LYRM4: variants seen among roughly 807,000 people sequenced by gnomAD.
The protein encoded by LYRM4 is LYR motif-containing protein 4.
A neutral mutation model predicts 11.7 loss-of-function variants in LYRM4; 9 were observed. The observed-to-expected ratio is 0.77, with a 90% confidence interval of 0.46 to 1.34. The LOEUF is 1.34. LYRM4 is among the 40% of genes most tolerant of loss of function. The pLI is 0.00. For synonymous variants in LYRM4, 42 were observed against 40.4 expected (o/e 1.04, Z -0.15); for missense variants, 133 against 112.5 (o/e 1.18, Z -0.82).
intron 2 of LYRM4, among the ~76,000 whole-genome samples, chr6:5,203,756 G>A (rs1761528735): frequency 6.6e-6 from 1 of 152,220 alleles, no homozygotes; most frequent in South Asian, 2.1e-4. Flanking sequence ...AGAGCCTGCA[G>A]CTGGGCAGGG....
chr6:5,246,588 C>T (rs1282558405), intron 1 of LYRM4, among the ~76,000 whole-genome samples: 2 of 152,154 alleles, frequency 1.3e-5, no homozygotes, highest in Admixed American at 6.5e-5. Context: ...GAGTGGTATA[C>T]GGACACAGCC....
intron 1 of LYRM4, among the ~76,000 whole-genome samples, chr6:5,230,237 C>CA (rs1209508937): frequency 3.9e-5 from 6 of 152,282 alleles, no homozygotes; most frequent in East Asian, 1.9e-4. Context: ...CTCCTAAACT[C>CA]AAAGATGACC....
Position 5,260,683 on chromosome 6 carries a change from C to G in LYRM4, c.51G>C (p.Leu17=), listed in dbSNP as rs1396973398. 2 of 1,547,012 alleles carry G rather than the reference C, an allele frequency of 1.3e-6. No homozygotes were observed. The highest frequency in any genetic ancestry group is 1.7e-6 in the Non-Finnish European group (2 of 1,146,258). Reference sequence around the variant, plus strand: ...AGGCGCTGAAACGCTTGCTCTCTCTCAGCATCGCCCGGTACAGAGATAACA... The same window carrying G: ...AGGCGCTGAAACGCTTGCTCTCTCTGAGCATCGCCCGGTACAGAGATAACA... ...AQVLSLYRAM[L]RESKRFSAYN... is the part of the protein sequence containing the mutation. The change falls in exon 1 of 3, where the codon CTG becomes CTC. Residue 17 remains leucine, a synonymous_variant. Coordinates refer to ENST00000330636, the MANE Select transcript of LYRM4 (RefSeq NM_020408.6).
chr6:5,045,403 C>A, the LYRM4 span, among the ~76,000 whole-genome samples: 1 of 152,112 alleles, frequency 6.6e-6, no homozygotes, highest in Non-Finnish European at 1.5e-5. Context: ...TATAGGGTAC[C>A]AAAGAGAATC....
the LYRM4 span, among the ~76,000 whole-genome samples, chr6:5,046,138 A>G: frequency 6.6e-6 from 1 of 152,022 alleles, no homozygotes; most frequent in African/African-American, 2.4e-5. Context: ...TTAGTGGCTT[A>G]AAATAATATT....
the LYRM4 span, among the ~76,000 whole-genome samples, chr6:5,052,822 C>T: frequency 6.6e-6 from 1 of 152,170 alleles, no homozygotes; most frequent in African/African-American, 2.4e-5. Context: ...GCCCCTTTTT[C>T]TACCTGCACT....
the LYRM4 span, among the ~76,000 whole-genome samples, chr6:5,084,177 G>A: frequency 1.3e-5 from 2 of 152,256 alleles, no homozygotes; most frequent in African/African-American, 4.8e-5. Flanking sequence ...AGTGATGTCC[G>A]TGCATGCTGA....
chr6:5,064,576 T>C, the LYRM4 span, among the ~76,000 whole-genome samples: 15 of 152,038 alleles, frequency 9.9e-5, no homozygotes, highest in Non-Finnish European at 2.2e-4. Flanking sequence ...TGCTTAAAAT[T>C]TTTTTTTATA....
the LYRM4 span, among the ~76,000 whole-genome samples, chr6:5,078,372 G>C: frequency 1.2e-4 from 18 of 151,986 alleles, no homozygotes; most frequent in Admixed American, 9.8e-4. Flanking sequence ...TTGCTACCTG[G>C]GTAACAAGAG....
At chr6:5,069,198 A>AT in the LYRM4 span, among the ~76,000 whole-genome samples, 1 of 152,114 alleles carries the variant, frequency 6.6e-6, no homozygotes, top group Non-Finnish European at 1.5e-5. Flanking sequence ...CATCTCAAAC[A>AT]TTTTGTTCTA....
the LYRM4 span, among the ~76,000 whole-genome samples, chr6:5,094,726 T>C: frequency 2.0e-5 from 3 of 152,204 alleles, no homozygotes; most frequent in Non-Finnish European, 4.4e-5. Flanking sequence ...TTTTTGTTGC[T>C]GCATGACTGT....
the LYRM4 span, among the ~76,000 whole-genome samples, chr6:5,042,351 T>C: frequency 2.0e-5 from 3 of 152,140 alleles, no homozygotes; most frequent in Non-Finnish European, 4.4e-5. Flanking sequence ...CCATATGCAA[T>C]ATTCAGTATT....
At chr6:5,104,285 T>TC (rs1762595577), downstream of LYRM4, 1 of 152,198 alleles carries the variant, frequency 6.6e-6, no homozygotes, top group East Asian at 1.9e-4. Flanking sequence ...CAGTTATTTT[T>TC]TTTTTTTTAG....
chr6:5,237,714 T>C (rs998279527), intron 1 of LYRM4, among the ~76,000 whole-genome samples: 4 of 152,166 alleles, frequency 2.6e-5, no homozygotes, highest in Non-Finnish European at 5.9e-5. Flanking sequence ...CTAGATATGC[T>C]AAGCTGTGTC....
At chr6:5,195,490 T>C (rs545603308) in intron 2 of LYRM4, among the ~76,000 whole-genome samples, 2 of 151,980 alleles carry the variant, frequency 1.3e-5, no homozygotes, top group South Asian at 2.1e-4. Flanking sequence ...GACAATTAGC[T>C]TGCCATGGTG....
chr6:5,103,288 C>T (rs1762558381), downstream of LYRM4: 1 of 152,204 alleles, frequency 6.6e-6, no homozygotes, highest in Admixed American at 6.5e-5. Flanking sequence ...TGGCACGGCT[C>T]CTGTTGGCTG....
intron 1 of LYRM4, among the ~76,000 whole-genome samples, chr6:5,238,134 T>C (rs1390575833): frequency 2.6e-5 from 4 of 152,168 alleles, no homozygotes; most frequent in Non-Finnish European, 4.4e-5. Flanking sequence ...TTCCTGATTT[T>C]TCTTACTTAA....
chr6:5,190,387 A>G (rs1017044791), intron 2 of LYRM4, among the ~76,000 whole-genome samples: 1 of 152,212 alleles, frequency 6.6e-6, no homozygotes, highest in African/African-American at 2.4e-5. Context: ...CATTTAGAAA[A>G]AAATTCACTT....
chr6:5,084,359 ACAGCGCAGTC>A, the LYRM4 span, among the ~76,000 whole-genome samples: 1 of 152,162 alleles, frequency 6.6e-6, no homozygotes, highest in African/African-American at 2.4e-5. Flanking sequence ...CAGGGCGGTG[ACAGCGCAGTC>A]CGGCGCGGGC....
Sources: gnomAD v4.1 joint callset for allele counts (sites outside exome capture counted in the v4.1 genomes callset) on GRCh38, gnomAD v4.1.1 for gene constraint, MANE v1.5 for transcripts, NCBI Gene and HGNC (gene_info 2026-07-23, HGNC 2026-07-21) for gene names.